SLC12A4: variants seen among roughly 807,000 people sequenced by gnomAD.
The protein encoded by SLC12A4 is electroneutral potassium-chloride cotransporter 1.
In SLC12A4, 84 loss-of-function variants were observed where a neutral mutation model predicts 119.2. The ratio of observed to expected loss-of-function variants is 0.70; its 90% CI spans 0.59 to 0.85. SLC12A4 has a LOEUF of 0.85. SLC12A4 is among the 40% of genes least tolerant of loss of function. The pLI, the probability that SLC12A4 is intolerant of heterozygous loss-of-function variation, is 0.00. For synonymous variants in SLC12A4, 599 were observed against 604.6 expected (o/e 0.99, Z 0.14); for missense variants, 1,298 against 1,476.3 (o/e 0.88, Z 1.98).
Position 67,946,558 on chromosome 16 carries a change from C to T in SLC12A4, c.2317G>A (p.Gly773Arg), listed in dbSNP as rs1236038217. Residue 773 changes from glycine to arginine, a missense_variant, in exon 18 of 24, where the codon GGG becomes AGG. Gly to Arg is a moderately radical substitution (Grantham distance 125). Transcript: ENST00000316341. The part of the protein sequence containing the change: ...QVVVASKVRE[G>R]LAHLIQSCGL... ...CAGGACTGGATGAGGTGGGCCAGCC[C>T]CTCCCGCACCTTGCTGGCCACCACC... 1 of 1,612,472 alleles carries T rather than the reference C, an allele frequency of 6.2e-7. No individual in the cohort carries two copies. The highest frequency in any genetic ancestry group is 1.3e-5 in the African/African-American group (1 of 75,064).
chr16:67,954,670 G>A lies in SLC12A4; in HGVS notation c.648C>T (p.Tyr216=). Residue 216 remains tyrosine, a synonymous_variant, in exon 6 of 24, where the codon TAC becomes TAT. Transcript: ENST00000316341. ...YLGTTFAAAM[Y]ILGAIEILLT... is the part of the protein sequence containing the mutation. Reference sequence around the variant, plus strand: ...GCAAGATCTCGATGGCCCCCAGGATGTACATGGCTGCTGCGAATGTTGTTC... The same window carrying A: ...GCAAGATCTCGATGGCCCCCAGGATATACATGGCTGCTGCGAATGTTGTTC... 2 of 1,614,214 alleles carry A rather than the reference G, an allele frequency of 1.2e-6. No homozygotes were observed. The highest frequency in any genetic ancestry group is 1.7e-6 in the Non-Finnish European group (2 of 1,180,036).
rs1391629962 is a variant in SLC12A4 at position 67,946,928 on chromosome 16, A to G, written c.2241+9T>C. The stretch of plus-strand genomic sequence containing the variant: ...GTCTGGCTCAGCTCTCCCTCCCCAA[A>G]GCAAGTACCTGCTCGGCGGCCTGAG... On this transcript the variant is annotated intron_variant, in intron 17 of 23. Coordinates refer to ENST00000316341, the MANE Select transcript of SLC12A4 (RefSeq NM_005072.5). 6.2e-7 allele frequency: 1 copy of G among 1,611,718 alleles called. No individual in the cohort carries two copies. Among genetic ancestry groups the G allele is most frequent in the Non-Finnish European group, 8.5e-7 (1 of 1,179,150 alleles).
intron 1 of SLC12A4, among the ~76,000 whole-genome samples, chr16:67,968,193 C>T (rs2030947546): frequency 6.6e-6 from 1 of 152,084 alleles, no homozygotes; most frequent in African/African-American, 2.4e-5. Flanking sequence ...CAGCCCCCGC[C>T]CGGGGCCCAC....
chr16:67,953,437 A>G (rs2030058285), intron 6 of SLC12A4, among the ~76,000 whole-genome samples: 1 of 152,214 alleles, frequency 6.6e-6, no homozygotes, highest in Non-Finnish European at 1.5e-5. Flanking sequence ...AAAAGAAGCC[A>G]GTCACAAAAG....
At chr16:67,967,824 C>T (rs1439925615) in intron 1 of SLC12A4, among the ~76,000 whole-genome samples, 2 of 152,130 alleles carry the variant, frequency 1.3e-5, no homozygotes, top group Non-Finnish European at 2.9e-5. Context: ...GAGGATTAAA[C>T]GAGTTAACTC....
In SLC12A4 at chr16:67,951,942, A is replaced by G. The variant is rs2029932968; in HGVS notation, c.1013T>C (p.Leu338Pro). ...VVDNETVATQLWSFFCHSPNL... is the reference protein window; with the variant it reads ...VVDNETVATQPWSFFCHSPNL... ...GGGGCTGTGGCAGAAGAAACTCCAT[A>G]GCTGGGTGGCCACTGTCTCATTGTC... The change falls in exon 8 of 24, where the codon CTA (leucine) becomes CCA (proline). Residue 338 changes from leucine (L) to proline (P), a missense_variant. Transcript: ENST00000316341. This position sits in a 1 kb window ranked among gnomAD's most constrained non-coding sequence, Gnocchi z 5.2. 1 of 1,613,870 alleles carries G rather than the reference A, an allele frequency of 6.2e-7. No individual in the cohort carries two copies.
chr16:67,946,527 A>G lies in SLC12A4; in HGVS notation c.2348T>C (p.Leu783Pro), dbSNP rs769777826. 6.2e-7 allele frequency: 1 copy of G among 1,610,950 alleles called. No homozygotes were observed. Among genetic ancestry groups the G allele is most frequent in the Non-Finnish European group, 8.5e-7 (1 of 1,180,000 alleles). The change falls in exon 18 of 24, where the codon CTG (leucine) becomes CCG (proline). Residue 783 changes from leucine (L) to proline (P), a missense_variant. Transcript: ENST00000316341. ...GLAHLIQSCG[L>P]GGMRHNSVVL... ...CACGGAGTTATGCCGCATGCCTCCC[A>G]GGCCACAGGACTGGATGAGGTGGGC...
rs373016583 is a variant in SLC12A4, at chr16:67,954,699, G to C, written c.619C>G (p.Leu207Val). The C allele has an allele frequency of 1.4e-5, 23 of 1,614,078 alleles. No individual in the cohort carries two copies. In the African/African-American group the frequency reaches 3.1e-4, roughly 22 times the overall value. ...ATGGCTGCTGCGAATGTTGTTCCCA[G>C]GTAGAAGCACAGGCCCACAGCACCT... is the stretch of plus-strand genomic sequence containing the variant. ...FGGAVGLCFY[L>V]GTTFAAAMYI... The change falls in exon 6 of 24, where the codon CTG (leucine) becomes GTG (valine). Residue 207 changes from leucine to valine, a missense_variant. Coordinates refer to ENST00000316341, the MANE Select transcript of SLC12A4 (RefSeq NM_005072.5).
intron 3 of SLC12A4, among the ~76,000 whole-genome samples, chr16:67,959,926 G>T (rs1208792721): frequency 1.3e-5 from 2 of 152,192 alleles, no homozygotes; most frequent in Non-Finnish European, 2.9e-5. Flanking sequence ...GCCTGCCCTG[G>T]GTGAGGACCA....
In SLC12A4 at chr16:67,949,731, A is replaced by G. The variant is rs2058391781; in HGVS notation, c.1748+69T>C. 1 of 1,069,890 alleles carries G rather than the reference A, an allele frequency of 9.3e-7. No individual in the cohort carries two copies. The highest frequency in any genetic ancestry group is 1.4e-6 in the Non-Finnish European group (1 of 723,758). The allele number at this position is 1,069,890 out of a possible 1,614,324, so 66.3% of individuals were successfully genotyped here. ...CAGCTGGACCTCCAACACCAGACGC[A>G]GCCACGGGGAGGTGCTGGGGTTCAG... On this transcript the variant is annotated intron_variant, in intron 13 of 23. Coordinates refer to ENST00000316341, the MANE Select transcript of SLC12A4 (RefSeq NM_005072.5). The surrounding 1 kb of genome is among the most constrained non-coding windows in gnomAD (Gnocchi z 4.6).
Position 67,951,359 on chromosome 16 carries a change from TG to T in SLC12A4, c.1133-56del. On this transcript the variant is annotated intron_variant, in intron 8 of 23. Coordinates refer to ENST00000316341, the MANE Select transcript of SLC12A4 (RefSeq NM_005072.5). This position sits in a 1 kb window ranked among gnomAD's most constrained non-coding sequence, Gnocchi z 5.2. ...CTGCCCCCCACTACCCCAGGTAGTT[TG>T]GGGCAGCCTAGCCAGAGGCGCAGAT... 1 of 1,571,012 alleles carries T rather than the reference TG, an allele frequency of 6.4e-7. No individual in the cohort carries two copies. Among genetic ancestry groups the T allele is most frequent in the South Asian group, 1.2e-5 (1 of 86,062 alleles).
rs931820207 is a variant in SLC12A4 at position 67,964,113 on chromosome 16, G to A, written c.116-554C>T. 6.6e-6 allele frequency: 10 copies of A among 1,514,776 alleles called. No individual in the cohort carries two copies. In the Admixed American group the frequency reaches 1.4e-4, roughly 22 times the overall value. 93.8% of individuals were successfully genotyped at this position (1,514,776 alleles called of 1,614,324 possible). ...CAGCCCGGGGCATGCCGGGAGGTGG[G>A]GCAAGCCCCAGGCCGTGGAGAGCGG... On this transcript the variant is annotated intron_variant, in intron 1 of 23. Transcript: ENST00000316341.
chr16:67,957,421 G>A (rs1445057667), intron 5 of SLC12A4: 5 of 271,566 alleles, frequency 1.8e-5, no homozygotes, highest in Middle Eastern at 1.3e-3. Context: ...CACCCACCTC[G>A]GCCTCCCAAA....
At position 67,951,654 on chromosome 16, in the gene SLC12A4, C is replaced by A; in HGVS notation, c.1132+169G>T. On this transcript the variant is annotated intron_variant, in intron 8 of 23. Transcript: ENST00000316341. This position sits in a 1 kb window ranked among gnomAD's most constrained non-coding sequence, Gnocchi z 5.2. ...TTGGACGCTGGCCAGACAGGCTCCA[C>A]TCACTCCAAACTCGGCTGCCAGGAG... 1 of 661,496 alleles carries A rather than the reference C, an allele frequency of 1.5e-6. No individual in the cohort carries two copies. The allele number at this position is 661,496 out of a possible 1,614,324, so 41.0% of individuals were successfully genotyped here.
chr16:67,948,031 A>G, intron 14 of SLC12A4, 30 bp downstream of exon 14: 1 of 1,606,184 alleles, frequency 6.2e-7, no homozygotes, highest in Non-Finnish European at 8.5e-7. Flanking sequence ...TGGCCTCCCC[A>G]GGGTCTCCCG....
rs1372124383 is a variant in SLC12A4 at position 67,950,147 on chromosome 16, GC to G, written c.1629+171del. On this transcript the variant is annotated intron_variant, in intron 12 of 23. Coordinates refer to ENST00000316341, the MANE Select transcript of SLC12A4 (RefSeq NM_005072.5). The surrounding 1 kb of genome is among the most constrained non-coding windows in gnomAD (Gnocchi z 4.3). ...AGATTCTGGGTCCAGGCAGCTCCAGGCCCAGGTGAGTGCCAGGCCCAGGGCA... is the reference window on the plus strand; with the variant it reads ...AGATTCTGGGTCCAGGCAGCTCCAGGCCAGGTGAGTGCCAGGCCCAGGGCA... 1.3e-6 allele frequency: 1 copy of G among 779,998 alleles called. No homozygotes were observed. Among genetic ancestry groups the G allele is most frequent in the Non-Finnish European group, 2.0e-6 (1 of 496,818 alleles). The allele number at this position is 779,998 out of a possible 1,614,324, so 48.3% of individuals were successfully genotyped here.
intron 1 of SLC12A4, among the ~76,000 whole-genome samples, chr16:67,968,235 G>C (rs1310394587): frequency 6.6e-6 from 1 of 152,060 alleles, no homozygotes; most frequent in Non-Finnish European, 1.5e-5. Flanking sequence ...AAAGCGGCCG[G>C]GCGCGGGCGC....
In SLC12A4 at chr16:67,947,683, G is replaced by A; in HGVS notation, c.1953C>T (p.Tyr651=). 1 of 1,599,148 alleles carries A rather than the reference G, an allele frequency of 6.3e-7. No homozygotes were observed. Among genetic ancestry groups the A allele is most frequent in the Non-Finnish European group, 8.5e-7 (1 of 1,173,300 alleles). The change falls in exon 15 of 24, where the codon TAC becomes TAT. Residue 651 remains tyrosine (Y), a synonymous_variant. Transcript: ENST00000316341. ...AMLIAGMIYK[Y]IEYQGAEKEW... ...TGCTCACTCACCCTTGGTACTCGAT[G>A]TATTTGTAGATCATGCCGGCGATGA...
In SLC12A4 at chr16:67,957,750, A is replaced by C. The variant is rs368133452; in HGVS notation, c.536T>G (p.Val179Gly). Residue 179 changes from valine (V) to glycine (G), a missense_variant, in exon 5 of 24, where the codon GTG becomes GGG. By Grantham distance (109) the Val-to-Gly change is moderately radical. Coordinates refer to ENST00000316341, the MANE Select transcript of SLC12A4 (RefSeq NM_005072.5). ...GGGTGGCGCTCACTGACCTGGAACC[A>C]CACCGTTGGTGGCGATGGCACTCAT... ...ISMSAIATNG[V>G]VPAGGSYFMI... 1 of 1,613,304 alleles carries C rather than the reference A, an allele frequency of 6.2e-7. No individual in the cohort carries two copies. Among genetic ancestry groups the C allele is most frequent in the Non-Finnish European group, 8.5e-7 (1 of 1,180,024 alleles).
Sources: allele counts gnomAD v4.1 joint callset (sites outside exome capture counted in the v4.1 genomes callset), GRCh38; gene constraint gnomAD v4.1.1; non-coding constraint Gnocchi (gnomAD v3.1); transcripts MANE v1.5; gene names NCBI Gene and HGNC (gene_info 2026-07-23, HGNC 2026-07-21).